The following PTPRT variants were observed in gnomAD, a reference collection of about 807,000 sequenced individuals.
PTPRT encodes protein tyrosine phosphatase receptor type T, also known as receptor-type tyrosine-protein phosphatase T.
Under a neutral mutation model 176.8 loss-of-function variants are expected in PTPRT, and 56 were observed. The observed-to-expected ratio is 0.32, with a 90% CI of 0.26 to 0.40. PTPRT has a LOEUF of 0.40. PTPRT is among the 10% of genes least tolerant of loss of function. The pLI is 1.00. For synonymous variants in PTPRT, 783 were observed against 739.0 expected, an observed-to-expected ratio of 1.06 and a Z score of -0.96; for missense variants, 1,540 against 1,908.2, an observed-to-expected ratio of 0.81 and a Z score of 3.60.
At chr20:42,662,020 C>T (rs941640113) in intron 7 of PTPRT, among the ~76,000 whole-genome samples, 2 of 152,144 alleles carry the variant, frequency 1.3e-5, no homozygotes, top group Non-Finnish European at 2.9e-5. Flanking sequence ...GCTTTGTGAA[C>T]ACAGCAAAGG....
chr20:43,010,183 A>C (rs989425542), intron 1 of PTPRT, among the ~76,000 whole-genome samples: 1 of 151,906 alleles, frequency 6.6e-6, no homozygotes, highest in African/African-American at 2.4e-5. Flanking sequence ...ACACTGACCC[A>C]CCTGTGTCCT....
intron 1 of PTPRT, among the ~76,000 whole-genome samples, chr20:42,916,064 T>C (rs188720860): frequency 2.1e-3 from 322 of 151,962 alleles, no homozygotes; most frequent in African/African-American, 7.6e-3. Context: ...GCTGTACCCA[T>C]TAACTCATCA....
At chr20:43,001,742 G>A (rs925302895) in intron 1 of PTPRT, among the ~76,000 whole-genome samples, 2 of 152,176 alleles carry the variant, frequency 1.3e-5, no homozygotes, top group Non-Finnish European at 2.9e-5. Context: ...AAGAGAAATA[G>A]TATTAAGTTT....
chr20:42,355,280 T>G (rs2145541103), intron 9 of PTPRT, among the ~76,000 whole-genome samples: 1 of 152,298 alleles, frequency 6.6e-6, no homozygotes, highest in Non-Finnish European at 1.5e-5. Context: ...TAGAGGCAGC[T>G]GGTTTGAAAA....
chr20:42,673,489 G>T (rs967055471), intron 7 of PTPRT, among the ~76,000 whole-genome samples: 3 of 152,134 alleles, frequency 2.0e-5, no homozygotes, highest in Admixed American at 6.6e-5. Context: ...TGCAGTAACA[G>T]AATACCATAG....
intron 14 of PTPRT, among the ~76,000 whole-genome samples, chr20:42,237,160 T>C (rs926802341): frequency 3.3e-5 from 5 of 152,138 alleles, no homozygotes; most frequent in Admixed American, 6.6e-5. Context: ...GGAACAGAAA[T>C]AAGTCATTCC....
At chr20:42,659,162 G>T (rs948896313) in intron 7 of PTPRT, among the ~76,000 whole-genome samples, 1 of 151,966 alleles carries the variant, frequency 6.6e-6, no homozygotes, top group Non-Finnish European at 1.5e-5. Flanking sequence ...ACTATATACA[G>T]CAGAAGTTTG....
intron 1 of PTPRT, among the ~76,000 whole-genome samples, chr20:42,953,712 C>T (rs954034747): frequency 5.3e-5 from 8 of 152,178 alleles, no homozygotes; most frequent in African/African-American, 1.7e-4. Flanking sequence ...AGCAGAATTC[C>T]ACCTTGCCAA....
At chr20:42,162,573 C>T (rs991698911) in intron 16 of PTPRT, among the ~76,000 whole-genome samples, 4 of 152,200 alleles carry the variant, frequency 2.6e-5, no homozygotes, top group African/African-American at 9.7e-5. Context: ...TCCCAACCTC[C>T]TTCCAAAGAC....
intron 6 of PTPRT, among the ~76,000 whole-genome samples, chr20:42,710,424 T>G (rs1029777111): frequency 1.3e-5 from 2 of 152,218 alleles, no homozygotes; most frequent in Non-Finnish European, 2.9e-5. Flanking sequence ...TCCTGGCTGC[T>G]CCAGCTCCCA....
intron 7 of PTPRT, among the ~76,000 whole-genome samples, chr20:42,556,208 G>T (rs1438393256): frequency 6.6e-6 from 1 of 152,160 alleles, no homozygotes; most frequent in South Asian, 2.1e-4. Context: ...CTGGCCAATT[G>T]TATGTACAGC....
intron 6 of PTPRT, among the ~76,000 whole-genome samples, chr20:42,694,099 C>T (rs1472126175): frequency 2.7e-5 from 4 of 148,972 alleles, no homozygotes; most frequent in Non-Finnish European, 4.4e-5. Context: ...AGTGCAGCGG[C>T]GCGATCTCAG....
intron 1 of PTPRT, among the ~76,000 whole-genome samples, chr20:42,998,554 T>C (rs1984356309): frequency 1.3e-5 from 2 of 152,230 alleles, no homozygotes; most frequent in Admixed American, 6.5e-5. Context: ...CATAGGATGT[T>C]GCCTCCTATA....
intron 9 of PTPRT, among the ~76,000 whole-genome samples, chr20:42,397,142 C>A (rs1362634396): frequency 6.6e-6 from 1 of 152,298 alleles, no homozygotes; most frequent in African/African-American, 2.4e-5. Flanking sequence ...ACTGTCATTT[C>A]AGTGCCTGGA....
At chr20:42,605,057 C>T (rs1439426398) in intron 7 of PTPRT, among the ~76,000 whole-genome samples, 1 of 152,140 alleles carries the variant, frequency 6.6e-6, no homozygotes, top group Non-Finnish European at 1.5e-5. Context: ...TTGGAGAGGG[C>T]AGAGATGAAA....
At chr20:43,186,271 G>A (rs2015388033) in intron 1 of PTPRT, among the ~76,000 whole-genome samples, 1 of 152,218 alleles carries the variant, frequency 6.6e-6, no homozygotes, top group African/African-American at 2.4e-5. Context: ...TTTAAACTGA[G>A]GACTTCAGAT....
At chr20:42,101,597 C>G in intron 26 of PTPRT, among the ~76,000 whole-genome samples, 1 of 152,160 alleles carries the variant, frequency 6.6e-6, no homozygotes, top group East Asian at 1.9e-4. Flanking sequence ...CCGCTTCCAC[C>G]CCATGCTTGT....
intron 11 of PTPRT, among the ~76,000 whole-genome samples, chr20:42,323,002 T>C (rs2145407443): frequency 6.6e-6 from 1 of 151,864 alleles, no homozygotes; most frequent in African/African-American, 2.4e-5. Flanking sequence ...AAAAAACACA[T>C]GAAAAAATGC....
chr20:42,293,155 C>G (rs1383980778), intron 12 of PTPRT, among the ~76,000 whole-genome samples: 1 of 152,232 alleles, frequency 6.6e-6, no homozygotes, highest in South Asian at 2.1e-4. Flanking sequence ...AAGTAGCATG[C>G]AAGCCATTCG....
Sources: allele counts gnomAD v4.1 joint callset (sites outside exome capture counted in the v4.1 genomes callset), GRCh38; gene constraint gnomAD v4.1.1; transcripts MANE v1.5; gene names NCBI Gene and HGNC (gene_info 2026-07-23, HGNC 2026-07-21).